The following AIRIM variants were observed in gnomAD, a reference collection of about 807,000 sequenced individuals.
AIRIM encodes the protein AFG2-interacting ribosome maturation factor.
the AIRIM span, chr1:37,683,308 C>T: frequency 6.2e-7 from 1 of 1,613,998 alleles, no homozygotes; most frequent in Admixed American, 1.7e-5. Flanking sequence ...AGGAAGAACA[C>T]AAACCAGTAC....
chr1:37,686,476 G>C, the AIRIM span: 1 of 1,606,012 alleles, frequency 6.2e-7, no homozygotes. Flanking sequence ...TCTGACATTA[G>C]GCAATATCAT....
At chr1:37,690,198 G>A in the AIRIM span, 5 of 1,185,476 alleles carry the variant, frequency 4.2e-6, no homozygotes, top group South Asian at 5.1e-5. Context: ...TGTATTTTTA[G>A]TAGACGGGGT....
At chr1:37,690,516 G>C in the AIRIM span, 1 of 1,186,748 alleles carries the variant, frequency 8.4e-7, no homozygotes. Flanking sequence ...CGCGCCCACA[G>C]TCTCTCTGCG....
chr1:37,690,110 G>C, the AIRIM span: 1 of 1,294,756 alleles, frequency 7.7e-7, no homozygotes. Context: ...TCCGCATCCC[G>C]GGTTCAAGCA....
chr1:37,685,928 T>C, the AIRIM span, among the ~76,000 whole-genome samples: 2 of 152,160 alleles, frequency 1.3e-5, no homozygotes, highest in East Asian at 1.9e-4. Context: ...TGCTCAAATA[T>C]CACTTTCTCA....
chr1:37,687,102 G>A, the AIRIM span, among the ~76,000 whole-genome samples: 4,871 of 128,170 alleles, frequency 0.038, 282 homozygotes, highest in African/African-American at 0.14. Flanking sequence ...GTGTGTGTGT[G>A]TGTGTGTGTA....
At chr1:37,689,694 G>T in the AIRIM span, 1,916 of 1,614,066 alleles carry the variant, frequency 1.2e-3, 11 homozygotes, top group South Asian at 9.2e-3. Flanking sequence ...AAGGCCCGAA[G>T]CGCCGGCACA....
the AIRIM span, among the ~76,000 whole-genome samples, chr1:37,688,965 CAA>C: frequency 5.8e-4 from 62 of 106,292 alleles, no homozygotes; most frequent in African/African-American, 1.4e-3. Context: ...GACCCTGTCT[CAA>C]AAAAAAAAAA....
At chr1:37,689,916 C>A in the AIRIM span, 1 of 1,506,872 alleles carries the variant, frequency 6.6e-7, no homozygotes, top group Non-Finnish European at 8.8e-7. Flanking sequence ...AAAATAACCA[C>A]GTTGGGGTGC....
the AIRIM span, chr1:37,690,025 T>C: frequency 2.1e-6 from 3 of 1,417,176 alleles, no homozygotes; most frequent in Non-Finnish European, 2.8e-6. Flanking sequence ...GTTTTTTTTT[T>C]GTTTTTTTTT....
the AIRIM span, chr1:37,690,534 A>G: frequency 1.0e-5 from 12 of 1,152,404 alleles, no homozygotes; most frequent in South Asian, 1.6e-5. Context: ...GCGCATGCTC[A>G]CACGCGACCT....
At chr1:37,686,137 G>C in the AIRIM span, 2 of 774,104 alleles carry the variant, frequency 2.6e-6, no homozygotes, top group African/African-American at 1.8e-5. Context: ...ATTATACAAA[G>C]GAATGCAGGA....
At chr1:37,687,437 A>T in the AIRIM span, among the ~76,000 whole-genome samples, 1 of 127,034 alleles carries the variant, frequency 7.9e-6, no homozygotes, top group African/African-American at 3.2e-5. Context: ...CAGCTAATAT[A>T]TATTTTTTTT....
At chr1:37,689,704 A>G in the AIRIM span, 1 of 1,614,036 alleles carries the variant, frequency 6.2e-7, no homozygotes, top group African/African-American at 1.3e-5. Flanking sequence ...GCGCCGGCAC[A>G]TCCTCAAACC....
At chr1:37,690,283 C>A in the AIRIM span, 2 of 1,292,088 alleles carry the variant, frequency 1.5e-6, no homozygotes, top group Non-Finnish European at 2.0e-6. Context: ...CCGCGCCCGG[C>A]CTGCCTCAGC....
chr1:37,689,017 A>C, the AIRIM span, among the ~76,000 whole-genome samples: 3 of 151,956 alleles, frequency 2.0e-5, no homozygotes, highest in Non-Finnish European at 4.4e-5. Context: ...TCTGACAACA[A>C]GCATATCAGA....
the AIRIM span, chr1:37,689,906 A>C: frequency 6.6e-7 from 1 of 1,517,040 alleles, no homozygotes; most frequent in Non-Finnish European, 8.8e-7. Context: ...ATAAAAACAG[A>C]AAATAACCAC....
At chr1:37,687,719 A>G in the AIRIM span, among the ~76,000 whole-genome samples, 2 of 152,210 alleles carry the variant, frequency 1.3e-5, no homozygotes, top group African/African-American at 4.8e-5. Flanking sequence ...CAACAGGGTG[A>G]GACTGTCTCT....
At chr1:37,683,046 T>C in the AIRIM span, 6 of 1,455,496 alleles carry the variant, frequency 4.1e-6, no homozygotes, top group Non-Finnish European at 4.8e-6. Flanking sequence ...AATACTGACG[T>C]TTCTTTAGAA....
Sources: gnomAD v4.1 joint callset for allele counts (sites outside exome capture counted in the v4.1 genomes callset) on GRCh38, gnomAD v4.1.1 for gene constraint, MANE v1.5 for transcripts, NCBI Gene and HGNC (gene_info 2026-07-23, HGNC 2026-07-21) for gene names.